NPHP3: variants seen among roughly 807,000 people sequenced by gnomAD.
NPHP3 encodes the protein nephrocystin-3.
Under a neutral mutation model 171.9 loss-of-function variants are expected in NPHP3, and 123 were observed. The ratio of observed to expected loss-of-function variants is 0.72; its 90% CI spans 0.62 to 0.83. The LOEUF (loss-of-function observed/expected upper bound fraction) is 0.83. NPHP3 is among the 40% of genes least tolerant of loss of function. NPHP3 has a pLI of 0.00. For missense variants in NPHP3, 1,506 were observed against 1,591.9 expected, an observed-to-expected ratio of 0.95 and a Z score of 0.92; for synonymous variants, 558 against 579.2, an observed-to-expected ratio of 0.96 and a Z score of 0.52.
chr3:132,699,482 T>G (rs1939547864), intron 12 of NPHP3, 32 bp from the exon 13 acceptor site: 1 of 1,398,180 alleles, frequency 7.2e-7, no homozygotes, highest in African/African-American at 1.4e-5. Flanking sequence ...TTCAATCTAT[T>G]AATCAAAATA....
chr3:132,705,348 C>T (rs1343012394), intron 8 of NPHP3, among the ~76,000 whole-genome samples: 5 of 152,144 alleles, frequency 3.3e-5, no homozygotes, highest in Non-Finnish European at 5.9e-5. Flanking sequence ...TGCTTTCATC[C>T]CCCTCTTCTG....
chr3:132,702,943 G>C (rs184869165), intron 9 of NPHP3, among the ~76,000 whole-genome samples: 1 of 152,306 alleles, frequency 6.6e-6, no homozygotes, highest in East Asian at 1.9e-4. Context: ...AGGATCTGGA[G>C]CCAGAAAAGA....
Position 132,684,552 on chromosome 3 carries a change from AC to A in NPHP3, c.3570+1del, listed in dbSNP as rs749864962. 8 of 1,613,882 alleles carry A rather than the reference AC, an allele frequency of 5.0e-6. No homozygotes were observed. Among genetic ancestry groups the A allele is most frequent in the Non-Finnish European group, 6.8e-6 (8 of 1,179,832 alleles). ...CATGTAAGAATGTCAAAGCTTACTT[AC>A]CATTTTCTTATACAAGATGGCAAGA... is the stretch of plus-strand genomic sequence containing the variant. On this transcript the variant is annotated splice_donor_variant, in intron 24 of 26. Transcript: ENST00000337331. LOFTEE classifies it high-confidence loss of function.
rs1374098949 is a variant in NPHP3 at position 132,681,816 on chromosome 3, G to A, written c.*94C>T. On this transcript the variant is annotated 3_prime_UTR_variant, in exon 27 of 27. Coordinates refer to ENST00000337331, the MANE Select transcript of NPHP3 (RefSeq NM_153240.5). ...GTTAAATCACACGTAGTAAAATTTC[G>A]TACAACATTTTTTTAAAGTTTCAAA... The A allele has an allele frequency of 2.6e-5, 30 of 1,142,580 alleles. No homozygotes were observed. Among genetic ancestry groups the A allele is most frequent in the Non-Finnish European group, 3.8e-5 (29 of 764,050 alleles). The allele number at this position is 1,142,580 out of a possible 1,614,324, so 70.8% of individuals were successfully genotyped here. A position where few individuals can be genotyped will look rare whatever the true frequency, so the allele number is the denominator to read the frequency against.
intron 1 of NPHP3, chr3:132,721,749 C>T: frequency 4.1e-6 from 3 of 731,146 alleles, no homozygotes; most frequent in African/African-American, 1.7e-5. Flanking sequence ...TGCAGTGAGC[C>T]GCGATCGTGC....
At position 132,680,780 on chromosome 3, in the gene NPHP3, C is replaced by T. The variant is rs1006798486; in HGVS notation, c.*1130G>A. On this transcript the variant is annotated 3_prime_UTR_variant, in exon 27 of 27. Transcript: ENST00000337331. ...TAAAATGTTGCAATATTTATAAAAT[C>T]CATAAAAATATTTAATTTTCAGTAT... 6.6e-6 allele frequency: 1 copy of T among 151,810 alleles called. No individual in the cohort carries two copies. 9.4% of individuals were successfully genotyped at this position (151,810 alleles called of 1,614,324 possible). A position where few individuals can be genotyped will look rare whatever the true frequency, so the allele number is the denominator to read the frequency against.
At chr3:132,710,496 TGCTGCTGTGCAAAGGGA>T (rs1190122496) in intron 6 of NPHP3, among the ~76,000 whole-genome samples, 1 of 152,108 alleles carries the variant, frequency 6.6e-6, no homozygotes, top group African/African-American at 2.4e-5. Context: ...CGCCCCTCTG[TGCTGCTGTGCAAAGGGA>T]GAGGCACCTC....
At chr3:132,717,063 C>T (rs773677900) in intron 3 of NPHP3, 154 bp from the exon 4 acceptor site, 9 of 726,088 alleles carry the variant, frequency 1.2e-5, no homozygotes, top group Non-Finnish European at 2.0e-5. Context: ...CGACTTTTGG[C>T]AAAGTTCAAA....
intron 1 of NPHP3, chr3:132,721,588 C>T (rs1014253523): frequency 2.7e-6 from 1 of 370,636 alleles, no homozygotes; most frequent in Admixed American, 3.7e-5. Context: ...CATTTGCCTC[C>T]TCAGGACACT....
intron 8 of NPHP3, among the ~76,000 whole-genome samples, chr3:132,705,264 T>C (rs553157118): frequency 2.2e-4 from 34 of 152,170 alleles, no homozygotes; most frequent in Non-Finnish European, 3.8e-4. Context: ...ATTTTCAAGA[T>C]AGCACATGAA....
At chr3:132,716,690 G>A (rs1039387759) in intron 4 of NPHP3, 67 bp downstream of exon 4, 1 of 1,539,726 alleles carries the variant, frequency 6.5e-7, no homozygotes, top group African/African-American at 1.4e-5. Context: ...AATAGTTCCA[G>A]CACAAGATTA....
At chr3:132,712,120 AT>A (rs1164399914) in intron 6 of NPHP3, among the ~76,000 whole-genome samples, 10 of 152,232 alleles carry the variant, frequency 6.6e-5, no homozygotes, top group African/African-American at 2.4e-4. Flanking sequence ...GTGAAAAAAA[AT>A]CTTTACTTGC....
intron 11 of NPHP3, 122 bp downstream of exon 11, chr3:132,700,212 C>CAT: frequency 8.1e-7 from 1 of 1,241,546 alleles, no homozygotes; most frequent in South Asian, 1.3e-5. Context: ...TATTTTTAAC[C>CAT]TTATATAAAA....
chr3:132,681,663 C>A lies in NPHP3; in HGVS notation c.*247G>T. 1 of 469,438 alleles carries A rather than the reference C, an allele frequency of 2.1e-6. No individual in the cohort carries two copies. 29.1% of individuals were successfully genotyped at this position (469,438 alleles called of 1,614,324 possible). A position where few individuals can be genotyped will look rare whatever the true frequency, so the allele number is the denominator to read the frequency against. On this transcript the variant is annotated 3_prime_UTR_variant, in exon 27 of 27. Coordinates refer to ENST00000337331, the MANE Select transcript of NPHP3 (RefSeq NM_153240.5). The stretch of plus-strand genomic sequence containing the variant: ...GCTCTTCATGATTTGCTCCTCATGT[C>A]TTCTTATAATTCTAATGTGTCTACA...
At chr3:132,711,895 A>G (rs1427949873) in intron 6 of NPHP3, among the ~76,000 whole-genome samples, 1 of 152,224 alleles carries the variant, frequency 6.6e-6, no homozygotes, top group Non-Finnish European at 1.5e-5. Flanking sequence ...TCACCCGGCC[A>G]CTAGGCAAAG....
intron 1 of NPHP3, 127 bp downstream of exon 1, chr3:132,721,836 G>T: frequency 8.9e-7 from 1 of 1,123,886 alleles, no homozygotes; most frequent in Non-Finnish European, 1.3e-6. Flanking sequence ...GACTCGAAGA[G>T]AATATGGCCT....
At chr3:132,716,119 G>A (rs1940044580) in intron 4 of NPHP3, among the ~76,000 whole-genome samples, 2 of 152,042 alleles carry the variant, frequency 1.3e-5, no homozygotes, top group African/African-American at 2.4e-5. Context: ...TTTATTTGTG[G>A]CCAAAGACAA....
chr3:132,720,381 GA>G (rs1236021883), intron 1 of NPHP3, among the ~76,000 whole-genome samples: 2 of 152,236 alleles, frequency 1.3e-5, no homozygotes, highest in Non-Finnish European at 2.9e-5. Context: ...TGACATGAGT[GA>G]CTGTGACACT....
intron 19 of NPHP3, 103 bp downstream of exon 19, chr3:132,690,425 T>C: frequency 9.2e-7 from 1 of 1,084,086 alleles, no homozygotes; most frequent in Non-Finnish European, 1.4e-6. Context: ...GTATTTCAGA[T>C]ACTTAGACTA....
Sources: gnomAD v4.1 joint callset for allele counts (sites outside exome capture counted in the v4.1 genomes callset) on GRCh38, gnomAD v4.1.1 for gene constraint, MANE v1.5 for transcripts, NCBI Gene and HGNC (gene_info 2026-07-23, HGNC 2026-07-21) for gene names.